Variants in DNMBP observed in about 807,000 individuals in gnomAD.
DNMBP encodes dynamin binding protein.
In DNMBP, 87 loss-of-function variants were observed where a neutral mutation model predicts 150.0. The observed-to-expected ratio is 0.58, with a 90% CI of 0.49 to 0.69. DNMBP has a LOEUF of 0.69. Ranked by LOEUF, DNMBP falls within the 30% of genes least tolerant of loss-of-function variation. The pLI is 0.00. For synonymous variants in DNMBP, 711 were observed against 750.4 expected (o/e 0.95, Z 0.86); for missense variants, 1,774 against 1,949.0 (o/e 0.91, Z 1.69).
At chr10:99,990,053 T>C (rs2040869286) in intron 1 of DNMBP, among the ~76,000 whole-genome samples, 1 of 152,216 alleles carries the variant, frequency 6.6e-6, no homozygotes, top group African/African-American at 2.4e-5. Flanking sequence ...CGTAAATATT[T>C]GCATGATGAA....
chr10:99,953,076 A>C (rs1042488089), intron 4 of DNMBP, among the ~76,000 whole-genome samples: 2 of 152,202 alleles, frequency 1.3e-5, no homozygotes, highest in South Asian at 2.1e-4. Context: ...CCTATTTATA[A>C]ATTTTTTCTC....
At chr10:99,934,660 G>C (rs1231043415) in intron 4 of DNMBP, among the ~76,000 whole-genome samples, 1 of 135,846 alleles carries the variant, frequency 7.4e-6, no homozygotes, top group Admixed American at 7.6e-5. Flanking sequence ...AGTTTGGCCC[G>C]GGGAGGGAGA....
At chr10:99,952,844 T>G (rs114977618) in intron 4 of DNMBP, among the ~76,000 whole-genome samples, 1 of 152,214 alleles carries the variant, frequency 6.6e-6, no homozygotes, top group East Asian at 1.9e-4. Context: ...GGTAGCTATA[T>G]GTGCTCAGTC....
At chr10:99,924,773 A>G (rs2040059924) in intron 4 of DNMBP, among the ~76,000 whole-genome samples, 1 of 152,254 alleles carries the variant, frequency 6.6e-6, no homozygotes, top group South Asian at 2.1e-4. Context: ...GTTTGCAATG[A>G]AAAGAAATCT....
chr10:99,921,878 A>AGC (rs1344623427), intron 4 of DNMBP, among the ~76,000 whole-genome samples: 1 of 150,534 alleles, frequency 6.6e-6, no homozygotes, highest in Non-Finnish European at 1.5e-5. Flanking sequence ...AAAAAAAAAA[A>AGC]AAAAAAAAAA....
At chr10:99,996,863 G>A (rs969735943) in intron 1 of DNMBP, among the ~76,000 whole-genome samples, 3 of 152,172 alleles carry the variant, frequency 2.0e-5, no homozygotes, top group Non-Finnish European at 4.4e-5. Flanking sequence ...CAGCTGACTA[G>A]AAGGTCAAGG....
chr10:99,885,217 C>A (rs186277017), intron 14 of DNMBP, among the ~76,000 whole-genome samples: 1 of 151,850 alleles, frequency 6.6e-6, no homozygotes, highest in South Asian at 2.1e-4. Context: ...TCCCCTCCCC[C>A]CCACAAAAAA....
At chr10:99,968,232 T>A (rs369035414) in intron 3 of DNMBP, among the ~76,000 whole-genome samples, 2 of 152,156 alleles carry the variant, frequency 1.3e-5, no homozygotes, top group African/African-American at 4.8e-5. Context: ...AGTAGTAAAA[T>A]GCGGATGTTT....
At chr10:99,984,921 G>A (rs553912184) in intron 1 of DNMBP, among the ~76,000 whole-genome samples, 1 of 152,018 alleles carries the variant, frequency 6.6e-6, no homozygotes, top group South Asian at 2.1e-4. Flanking sequence ...TCCCTTTTTT[G>A]TGTACAGACA....
At chr10:99,906,428 C>T (rs1011177319) in intron 6 of DNMBP, among the ~76,000 whole-genome samples, 2 of 152,122 alleles carry the variant, frequency 1.3e-5, no homozygotes, top group African/African-American at 4.8e-5. Context: ...AATAAAGCAG[C>T]AAAATGATAG....
chr10:99,907,300 C>G (rs1353183045), intron 6 of DNMBP, among the ~76,000 whole-genome samples: 1 of 151,672 alleles, frequency 6.6e-6, no homozygotes, highest in East Asian at 1.9e-4. Flanking sequence ...TGCACTCCAA[C>G]CTGGGCGACA....
Position 99,886,606 on chromosome 10 carries a change from G to C in DNMBP, c.3312C>G (p.Ile1104Met). The stretch of plus-strand genomic sequence containing the variant: ...TGCTCAGTAACTGATTTAAGGGGGA[G>C]ATGACAAGCCGCTCTGTCCTCTCCT... ...NFKERTERLVISPLNQLLSMF... is the reference protein window; with the variant it reads ...NFKERTERLVMSPLNQLLSMF... The change falls in exon 13 of 17, where the codon ATC (isoleucine) becomes ATG (methionine). Residue 1104 changes from isoleucine to methionine, a missense_variant. Physicochemically the swap from Ile to Met is conservative, Grantham distance 10 (BLOSUM62 1). This residue lies in a region of DNMBP where 1,430 missense variants were observed against 1,492.5 expected (regional missense o/e 0.96). Coordinates refer to ENST00000324109, the MANE Select transcript of DNMBP (RefSeq NM_015221.4). 1.2e-6 allele frequency: 2 copies of C among 1,613,908 alleles called. No homozygotes were observed. Among genetic ancestry groups the C allele is most frequent in the Non-Finnish European group, 8.5e-7 (1 of 1,179,844 alleles).
chr10:99,948,742 C>A (rs1279936314), intron 4 of DNMBP, among the ~76,000 whole-genome samples: 1 of 152,084 alleles, frequency 6.6e-6, no homozygotes, highest in African/African-American at 2.4e-5. Context: ...GCAGGCGGAT[C>A]ACTTGAGGCT....
chr10:99,935,296 T>C (rs1484185346), intron 4 of DNMBP, among the ~76,000 whole-genome samples: 1 of 152,066 alleles, frequency 6.6e-6, no homozygotes, highest in Non-Finnish European at 1.5e-5. Flanking sequence ...TACCAGACTC[T>C]TGAGATACCA....
intron 11 of DNMBP, among the ~76,000 whole-genome samples, chr10:99,891,918 G>C (rs1267073218): frequency 6.7e-6 from 1 of 148,546 alleles, no homozygotes; most frequent in African/African-American, 2.5e-5. Flanking sequence ...GAGGGAGGTG[G>C]GGGGGTCAGC....
chr10:99,966,259 CAAGAT>C (rs1589442626), intron 3 of DNMBP, among the ~76,000 whole-genome samples: 1 of 152,196 alleles, frequency 6.6e-6, no homozygotes, highest in East Asian at 1.9e-4. Context: ...GAGAGGAGAA[CAAGAT>C]AAAACCATGG....
chr10:99,879,710 C>G, intron 16 of DNMBP, 101 bp downstream of exon 16: 6 of 1,548,560 alleles, frequency 3.9e-6, no homozygotes, highest in Admixed American at 1.8e-5. Flanking sequence ...TCTCAGATCA[C>G]CCCTAGGCCT....
chr10:100,008,554 T>C (rs183747302), intron 1 of DNMBP, among the ~76,000 whole-genome samples: 259 of 152,364 alleles, frequency 1.7e-3, no homozygotes, highest in Admixed American at 3.4e-3. Context: ...CTGAGAGAGC[T>C]GAGAATAATG....
At chr10:99,974,082 A>G (rs2040704112) in intron 1 of DNMBP, among the ~76,000 whole-genome samples, 1 of 152,204 alleles carries the variant, frequency 6.6e-6, no homozygotes, top group Admixed American at 6.5e-5. Flanking sequence ...TGCAGTCAGG[A>G]GTTCAAGACC....
Sources: allele counts gnomAD v4.1 joint callset (sites outside exome capture counted in the v4.1 genomes callset), GRCh38; gene constraint gnomAD v4.1.1; regional missense constraint gnomAD v4.1.1; transcripts MANE v1.5; gene names NCBI Gene and HGNC (gene_info 2026-07-23, HGNC 2026-07-21).